Variants in CDH18 observed in about 807,000 individuals in gnomAD.
CDH18 encodes the protein cadherin-18.
CDH18 carries 31 observed loss-of-function variants against 67.9 expected under a neutral mutation model. The ratio of observed to expected loss-of-function variants is 0.46; its 90% CI spans 0.34 to 0.62. The LOEUF (loss-of-function observed/expected upper bound fraction) is 0.62. CDH18 is among the 20% of genes least tolerant of loss of function. The pLI, the probability that CDH18 is intolerant of heterozygous loss-of-function variation, is 0.01. For missense variants in CDH18, 890 were observed against 975.5 expected (o/e 0.91, Z 1.17); for synonymous variants, 362 against 347.2 (o/e 1.04, Z -0.48).
At chr5:20,121,908 G>T (rs1748383143) in intron 2 of CDH18, among the ~76,000 whole-genome samples, 1 of 152,040 alleles carries the variant, frequency 6.6e-6, no homozygotes, top group Non-Finnish European at 1.5e-5. Flanking sequence ...TTTTGTTAAG[G>T]TCACCACTAT....
chr5:19,585,845 G>C (rs967384343), intron 7 of CDH18, among the ~76,000 whole-genome samples: 1 of 151,818 alleles, frequency 6.6e-6, no homozygotes, highest in Non-Finnish European at 1.5e-5. Flanking sequence ...ATCACAATTA[G>C]TTTCTCTCTC....
At chr5:20,105,790 T>C (rs1746881000) in intron 2 of CDH18, among the ~76,000 whole-genome samples, 1 of 152,248 alleles carries the variant, frequency 6.6e-6, no homozygotes, top group African/African-American at 2.4e-5. Context: ...TGTATGCATA[T>C]GCTACATTTT....
At chr5:19,981,312 C>T (rs1799011912) in intron 1 of CDH18, 134 bp from the exon 2 acceptor site, 1 of 152,234 alleles carries the variant, frequency 6.6e-6, no homozygotes, top group African/African-American at 2.4e-5. Context: ...ACAGGATCTA[C>T]ACATGATCGG....
At chr5:20,010,948 C>T (rs1255805536) in intron 2 of CDH18, among the ~76,000 whole-genome samples, 1 of 152,140 alleles carries the variant, frequency 6.6e-6, no homozygotes, top group Admixed American at 6.6e-5. Context: ...CTGTAAAGCA[C>T]CACAAACCTA....
chr5:20,452,212 T>A (rs1477244614), intron 1 of CDH18, among the ~76,000 whole-genome samples: 1 of 152,168 alleles, frequency 6.6e-6, no homozygotes, highest in Non-Finnish European at 1.5e-5. Flanking sequence ...CCAAAAATAA[T>A]GGCATTATCA....
intron 1 of CDH18, among the ~76,000 whole-genome samples, chr5:20,369,858 A>G (rs2150083026): frequency 6.6e-6 from 1 of 152,180 alleles, no homozygotes; most frequent in East Asian, 1.9e-4. Flanking sequence ...TAAAATTTCC[A>G]TTTTTTCCTT....
At chr5:19,933,058 A>C (rs73762446) in intron 2 of CDH18, among the ~76,000 whole-genome samples, 16,288 of 151,546 alleles carry the variant, frequency 0.11, 2,514 homozygotes, top group African/African-American at 0.34. Flanking sequence ...ACTGTAATGC[A>C]GGTCTTTATT....
At chr5:19,881,777 G>A (rs1270933559) in intron 2 of CDH18, among the ~76,000 whole-genome samples, 1 of 151,850 alleles carries the variant, frequency 6.6e-6, no homozygotes. Flanking sequence ...AAGTGCTGGG[G>A]TTACAGGCAT....
chr5:19,814,925 A>C (rs1779128461), intron 3 of CDH18, among the ~76,000 whole-genome samples: 1 of 151,930 alleles, frequency 6.6e-6, no homozygotes, highest in Admixed American at 6.6e-5. Flanking sequence ...TATAAAGTTC[A>C]CAATGTGAAT....
At position 20,519,545 on chromosome 5, in the gene CDH18, C is replaced by T. The variant is rs550444928; in HGVS notation, c.-580+55917G>A. Among the ~76,000 whole-genome samples, 110 of 152,114 alleles carry T rather than the reference C, an allele frequency of 7.2e-4. 1 individual carries two copies. Among genetic ancestry groups the T allele is most frequent in the African/African-American group, 2.7e-3 (110 of 41,492 alleles). On this transcript the variant is annotated intron_variant, in intron 1 of 14. Coordinates refer to the CDH18 transcript ENST00000507958. Reference sequence around the variant, plus strand: ...AAATGATGAGTTAATGGGTGCAGTACACGAATATGGCACATGTATACATAT... The same window carrying T: ...AAATGATGAGTTAATGGGTGCAGTATACGAATATGGCACATGTATACATAT...
At chr5:20,393,114 T>C (rs1430382887) in intron 1 of CDH18, among the ~76,000 whole-genome samples, 1 of 151,950 alleles carries the variant, frequency 6.6e-6, no homozygotes, top group Non-Finnish European at 1.5e-5. Flanking sequence ...TGAGGTGGCA[T>C]AGGTGTCTTA....
At chr5:19,847,716 T>A (rs571666861) in intron 2 of CDH18, among the ~76,000 whole-genome samples, 4 of 152,096 alleles carry the variant, frequency 2.6e-5, no homozygotes, top group African/African-American at 9.7e-5. Context: ...TACAAAATGG[T>A]TTCCTACAGA....
In CDH18 at chr5:20,521,969, C is replaced by A. The variant is rs574393746; in HGVS notation, c.-580+53493G>T. Reference sequence around the variant, plus strand: ...AACAATTAGGATGTATTATGGGGTACCTCAATATGTAATCGTGTTGTGAGA... The same window carrying A: ...AACAATTAGGATGTATTATGGGGTAACTCAATATGTAATCGTGTTGTGAGA... On this transcript the variant is annotated intron_variant, in intron 1 of 14. Coordinates refer to the CDH18 transcript ENST00000507958. Among the ~76,000 whole-genome samples the A allele has an allele frequency of 1.1e-4, 17 of 152,138 alleles. No homozygotes were observed. The South Asian group carries it at 3.5e-3, about 32-fold the overall frequency.
chr5:20,235,683 T>G (rs1330852165), intron 2 of CDH18, among the ~76,000 whole-genome samples: 2 of 152,196 alleles, frequency 1.3e-5, no homozygotes, highest in Non-Finnish European at 2.9e-5. Flanking sequence ...GGTGGGAACC[T>G]AAATTAATTC....
At chr5:19,871,853 CT>C (rs928389157) in intron 2 of CDH18, among the ~76,000 whole-genome samples, 17 of 152,100 alleles carry the variant, frequency 1.1e-4, no homozygotes, top group African/African-American at 4.1e-4. Context: ...AGCCATGAAG[CT>C]TGTGTGGACC....
chr5:19,940,390 A>G (rs1204967729), intron 2 of CDH18, among the ~76,000 whole-genome samples: 1 of 151,950 alleles, frequency 6.6e-6, no homozygotes, highest in African/African-American at 2.4e-5. Flanking sequence ...TCTTCTCTTA[A>G]CTGATCTTCA....
chr5:20,499,559 A>C (rs548994675), intron 1 of CDH18, among the ~76,000 whole-genome samples: 1 of 152,174 alleles, frequency 6.6e-6, no homozygotes, highest in South Asian at 2.1e-4. Flanking sequence ...CTCAATCCCA[A>C]CCTGTCCCCA....
At chr5:20,505,571 T>G (rs537096234) in intron 1 of CDH18, among the ~76,000 whole-genome samples, 22 of 152,336 alleles carry the variant, frequency 1.4e-4, no homozygotes, top group African/African-American at 5.1e-4. Context: ...CATGCCCACC[T>G]TCTATGTTAT....
intron 1 of CDH18, among the ~76,000 whole-genome samples, chr5:20,459,886 T>C (rs376505722): frequency 1.4e-3 from 215 of 152,312 alleles, no homozygotes; most frequent in African/African-American, 5.0e-3. Context: ...GCTAATATTG[T>C]GGTTGTTCAC....
Sources: gnomAD v4.1 joint callset for allele counts (sites outside exome capture counted in the v4.1 genomes callset) on GRCh38, gnomAD v4.1.1 for gene constraint, MANE v1.5 for transcripts, NCBI Gene and HGNC (gene_info 2026-07-23, HGNC 2026-07-21) for gene names.